Variants in TENM1 observed in about 807,000 individuals in gnomAD.
TENM1 encodes teneurin-1.
Under a neutral mutation model 174.8 loss-of-function variants are expected in TENM1, and 35 were observed. That is an observed-to-expected ratio of 0.20 (90% confidence interval 0.15 to 0.27). TENM1 has a LOEUF of 0.27. TENM1 is among the 10% of genes least tolerant of loss of function. TENM1 has a pLI of 1.00. For synonymous variants in TENM1, 781 were observed against 798.7 expected, an observed-to-expected ratio of 0.98 and a Z score of 0.37; for missense variants, 1,633 against 2,130.1, an observed-to-expected ratio of 0.77 and a Z score of 4.59.
the TENM1 span, among the ~76,000 whole-genome samples, chrX:125,017,658 G>A: frequency 9.0e-6 from 1 of 110,921 alleles, no homozygotes; most frequent in Non-Finnish European, 1.9e-5. Flanking sequence ...TAAAGAAAAT[G>A]TGGCACATCT....
At chrX:124,970,449 C>A in the TENM1 span, among the ~76,000 whole-genome samples, 1 of 111,876 alleles carries the variant, frequency 8.9e-6, no homozygotes, top group Non-Finnish European at 1.9e-5. Context: ...AATAATTTTT[C>A]CTTAATAAGG....
chrX:124,502,852 G>T (rs967648038), intron 19 of TENM1, among the ~76,000 whole-genome samples: 1 of 111,850 alleles, frequency 8.9e-6, no homozygotes, highest in Non-Finnish European at 1.9e-5. Flanking sequence ...AGCCTGTGGG[G>T]CTGGTTGACA....
chrX:124,659,902 T>C (rs1420113456), intron 6 of TENM1, among the ~76,000 whole-genome samples: 1 of 111,358 alleles, frequency 9.0e-6, no homozygotes, highest in Non-Finnish European at 1.9e-5. Context: ...CAACAAATGA[T>C]ACTGGAACAA....
chrX:124,525,867 A>G (rs761032697), intron 16 of TENM1, among the ~76,000 whole-genome samples: 2 of 112,219 alleles, frequency 1.8e-5, no homozygotes, highest in Non-Finnish European at 3.8e-5. Flanking sequence ...AGGGTCAAGC[A>G]TATAGTAGGA....
At chrX:124,970,540 T>C in the TENM1 span, among the ~76,000 whole-genome samples, 1 of 112,676 alleles carries the variant, frequency 8.9e-6, no homozygotes, top group East Asian at 2.8e-4. Context: ...AAATTCTGAC[T>C]GATTCTCCTC....
At chrX:124,382,198 A>G (rs2060165290) in intron 31 of TENM1, among the ~76,000 whole-genome samples, 1 of 111,494 alleles carries the variant, frequency 9.0e-6, no homozygotes, top group Non-Finnish European at 1.9e-5. Context: ...TCAAAACTGT[A>G]CCCTTGTAAT....
chrX:125,191,307 C>T, the TENM1 span, among the ~76,000 whole-genome samples: 3 of 111,803 alleles, frequency 2.7e-5, no homozygotes, highest in Non-Finnish European at 5.6e-5. Context: ...TAATCACCTA[C>T]TATGTATCAG....
chrX:124,487,594 G>T (rs1029633134), intron 20 of TENM1, among the ~76,000 whole-genome samples: 6 of 111,756 alleles, frequency 5.4e-5, no homozygotes, highest in African/African-American at 2.0e-4. Context: ...TTGGGTGGAG[G>T]TGGGGCCTGG....
At chrX:125,119,112 A>G in the TENM1 span, among the ~76,000 whole-genome samples, 1 of 112,247 alleles carries the variant, frequency 8.9e-6, no homozygotes, top group Non-Finnish European at 1.9e-5. Flanking sequence ...GATTTAAAAA[A>G]ACTTGTTCTA....
chrX:124,812,762 G>A (rs1322202113), intron 3 of TENM1, among the ~76,000 whole-genome samples: 3 of 111,311 alleles, frequency 2.7e-5, no homozygotes, highest in Admixed American at 9.6e-5. Context: ...ATTAAAAAAT[G>A]TAAATTAAAA....
intron 3 of TENM1, among the ~76,000 whole-genome samples, chrX:124,759,584 C>T (rs1283095252): frequency 1.8e-5 from 2 of 111,567 alleles, no homozygotes; most frequent in Non-Finnish European, 3.8e-5. Flanking sequence ...GTTTTCCATT[C>T]CTGAGATACT....
the TENM1 span, among the ~76,000 whole-genome samples, chrX:124,988,680 A>G: frequency 8.9e-6 from 1 of 112,000 alleles, no homozygotes; most frequent in Non-Finnish European, 1.9e-5. Context: ...GGAGTAACAT[A>G]TAAAAAAGGG....
chrX:124,870,231 T>C (rs1311927976), intron 3 of TENM1, among the ~76,000 whole-genome samples: 2 of 112,108 alleles, frequency 1.8e-5, no homozygotes, highest in African/African-American at 6.5e-5. Context: ...TTACATTCTA[T>C]ATTCATTCTT....
intron 3 of TENM1, among the ~76,000 whole-genome samples, chrX:124,827,822 T>G (rs1335461724): frequency 8.9e-6 from 1 of 112,024 alleles, no homozygotes; most frequent in Non-Finnish European, 1.9e-5. Flanking sequence ...ACATACAACT[T>G]AAAATACCTT....
At chrX:124,682,380 C>T (rs927054505) in intron 5 of TENM1, among the ~76,000 whole-genome samples, 4 of 111,399 alleles carry the variant, frequency 3.6e-5, no homozygotes, top group East Asian at 2.8e-4. Context: ...ATAATTCTCA[C>T]GTAGCTATAT....
chrX:124,426,872 C>T (rs1177258512), intron 23 of TENM1, among the ~76,000 whole-genome samples: 3 of 112,056 alleles, frequency 2.7e-5, no homozygotes, highest in Admixed American at 9.4e-5. Flanking sequence ...TTCCTCAGCA[C>T]GTCTGTCTGA....
chrX:124,722,385 T>A lies in TENM1; in HGVS notation c.776+14572A>T, dbSNP rs149381555. On this transcript the variant is annotated intron_variant, in intron 4 of 31. Coordinates refer to ENST00000422452, the Ensembl canonical transcript of TENM1. ...AGATAAAAAGTTCGAGTTCTAATTG[T>A]GTCTTGGCCAGTGATAGGTGCTTGC... Among the ~76,000 whole-genome samples the A allele has an allele frequency of 5.5e-3, 618 of 111,830 alleles. 7 individuals carry two copies. The highest frequency in any genetic ancestry group is 0.019 in the African/African-American group (583 of 30,715).
At chrX:124,599,370 G>T (rs889552458) in intron 11 of TENM1, among the ~76,000 whole-genome samples, 1 of 111,178 alleles carries the variant, frequency 9.0e-6, no homozygotes, top group African/African-American at 3.3e-5. Flanking sequence ...ACTAAAAGTG[G>T]CAAGGAGGCA....
At chrX:125,167,346 G>T in the TENM1 span, among the ~76,000 whole-genome samples, 1 of 110,768 alleles carries the variant, frequency 9.0e-6, no homozygotes, top group African/African-American at 3.3e-5. Flanking sequence ...TGAGTCTGAG[G>T]GTACATTTTA....
Sources: gnomAD v4.1 joint callset for allele counts (sites outside exome capture counted in the v4.1 genomes callset) on GRCh38, gnomAD v4.1.1 for gene constraint, MANE v1.5 for transcripts, NCBI Gene and HGNC (gene_info 2026-07-23, HGNC 2026-07-21) for gene names.